Variants in SFMBT2 observed in about 807,000 individuals in gnomAD.
The protein encoded by SFMBT2 is scm-like with four MBT domains protein 2.
SFMBT2 carries 38 observed loss-of-function variants against 110.1 expected under a neutral mutation model. That is an observed-to-expected ratio of 0.35 (90% CI 0.27 to 0.45). The LOEUF (loss-of-function observed/expected upper bound fraction) is 0.45, where lower values mean the gene tolerates loss of function less well. Among genes scored for constraint, SFMBT2 ranks in the 20% least tolerant of loss-of-function variants. The pLI, the probability that SFMBT2 is intolerant of heterozygous loss-of-function variation, is 1.00. For missense variants in SFMBT2, 1,011 were observed against 1,094.9 expected, an observed-to-expected ratio of 0.92 and a Z score of 1.08; for synonymous variants, 425 against 425.4, an observed-to-expected ratio of 1.00 and a Z score of 0.01.
chr10:7,323,324 G>A (rs926240344), intron 4 of SFMBT2, among the ~76,000 whole-genome samples: 1 of 151,702 alleles, frequency 6.6e-6, no homozygotes, highest in Admixed American at 6.6e-5. Context: ...GGTGGCAGGT[G>A]CCTATAGTCC....
intron 14 of SFMBT2, 99 bp from the exon 15 acceptor site, chr10:7,197,786 C>T (rs1838824780): frequency 6.8e-6 from 10 of 1,468,572 alleles, no homozygotes; most frequent in Non-Finnish European, 9.1e-6. Flanking sequence ...GGGAAAAGGA[C>T]CACACAGAGC....
Position 7,399,201 on chromosome 10 carries a change from G to A in SFMBT2, c.-52+11660C>T, listed in dbSNP as rs184889049. Among the ~76,000 whole-genome samples the A allele has an allele frequency of 4.6e-5, 7 of 152,256 alleles. No homozygotes were observed. In the East Asian group the frequency reaches 1.3e-3, roughly 29 times the overall value. On this transcript the variant is annotated intron_variant, in intron 1 of 20. Coordinates refer to ENST00000397167, the MANE Select transcript of SFMBT2 (RefSeq NM_001387889.1). ...GAGATTCCTACAACTGGAGTGCATAGATATCTCCTATCCACCAAGTTTTTT... is the reference window on the plus strand; with the variant it reads ...GAGATTCCTACAACTGGAGTGCATAAATATCTCCTATCCACCAAGTTTTTT...
intron 4 of SFMBT2, among the ~76,000 whole-genome samples, chr10:7,292,610 G>A (rs1842292297): frequency 6.6e-6 from 1 of 152,156 alleles, no homozygotes; most frequent in Admixed American, 6.5e-5. Flanking sequence ...CTTAGTACCT[G>A]TCATATAAAG....
chr10:7,210,606 C>A (rs1283269538), intron 11 of SFMBT2, among the ~76,000 whole-genome samples: 1 of 152,224 alleles, frequency 6.6e-6, no homozygotes, highest in Non-Finnish European at 1.5e-5. Flanking sequence ...AGTTAAAGGG[C>A]ATGGCAAATG....
chr10:7,339,103 G>A (rs1323015476), intron 4 of SFMBT2, among the ~76,000 whole-genome samples: 5 of 152,160 alleles, frequency 3.3e-5, no homozygotes, highest in Admixed American at 2.6e-4. Context: ...AGCCAGGCAT[G>A]ATGACAGGTA....
intron 12 of SFMBT2, chr10:7,205,175 C>T (rs72773857): frequency 0.018 from 3,586 of 198,762 alleles, 46 homozygotes; most frequent in Non-Finnish European, 0.027. Flanking sequence ...GTTGACCTCC[C>T]GGGCTCAGGC....
chr10:7,195,591 G>A (rs1164399342), intron 15 of SFMBT2, among the ~76,000 whole-genome samples: 1 of 152,160 alleles, frequency 6.6e-6, no homozygotes, highest in Non-Finnish European at 1.5e-5. Context: ...GGCCCTTTCT[G>A]GGTCCATCCC....
chr10:7,409,394 T>A (rs1331720987), intron 1 of SFMBT2: 1 of 117,924 alleles, frequency 8.5e-6, no homozygotes, highest in East Asian at 3.5e-4. Flanking sequence ...TCTGCCCTCA[T>A]GTACTTTACA....
At chr10:7,261,685 A>G (rs1369928773) in intron 7 of SFMBT2, among the ~76,000 whole-genome samples, 1 of 152,234 alleles carries the variant, frequency 6.6e-6, no homozygotes, top group African/African-American at 2.4e-5. Flanking sequence ...GGAGCTTTAA[A>G]GCAGGTTTCC....
chr10:7,193,850 G>C (rs1299715910), intron 15 of SFMBT2, among the ~76,000 whole-genome samples: 1 of 152,204 alleles, frequency 6.6e-6, no homozygotes, highest in Non-Finnish European at 1.5e-5. Context: ...GACCCTTTTG[G>C]TCATAGGAGG....
At position 7,171,285 on chromosome 10, in the gene SFMBT2, C is replaced by A. The variant is rs943119473; in HGVS notation, c.2416-229G>T. On this transcript the variant is annotated intron_variant, in intron 19 of 20. Coordinates refer to ENST00000397167, the MANE Select transcript of SFMBT2 (RefSeq NM_001387889.1). This position sits in a 1 kb window ranked among gnomAD's most constrained non-coding sequence, Gnocchi z 4.9. ...GTGCCTTCAGATGGAAGAAGGCAGG[C>A]ACAGTGACAGTCGCTCTTGCATCCC... 1.2e-5 allele frequency: 10 copies of A among 802,238 alleles called. No homozygotes were observed. The highest frequency in any genetic ancestry group is 1.5e-5 in the Non-Finnish European group (10 of 662,870). The allele number at this position is 802,238 out of a possible 1,614,324, so 49.7% of individuals were successfully genotyped here.
intron 8 of SFMBT2, chr10:7,246,069 G>T: frequency 1.4e-6 from 1 of 715,962 alleles, no homozygotes; most frequent in Non-Finnish European, 1.7e-6. Flanking sequence ...CTGGAGAGGT[G>T]CCTACCTAGG....
intron 2 of SFMBT2, among the ~76,000 whole-genome samples, chr10:7,372,897 GC>G (rs2132062282): frequency 6.6e-6 from 1 of 152,316 alleles, no homozygotes; most frequent in Admixed American, 6.5e-5. Context: ...CCCCCTGCCT[GC>G]CCTAGCCTGT....
chr10:7,406,680 C>T (rs1360078279), intron 1 of SFMBT2, among the ~76,000 whole-genome samples: 2 of 152,152 alleles, frequency 1.3e-5, no homozygotes, highest in African/African-American at 4.8e-5. Context: ...ATAATGTCTG[C>T]AAGAACGCAG....
chr10:7,407,879 G>T (rs538171531), intron 1 of SFMBT2, among the ~76,000 whole-genome samples: 1 of 152,208 alleles, frequency 6.6e-6, no homozygotes, highest in South Asian at 2.1e-4. Context: ...GGCTTTTCGC[G>T]CATCCAGGTC....
At chr10:7,287,067 T>C (rs1328059779) in intron 4 of SFMBT2, among the ~76,000 whole-genome samples, 2 of 150,262 alleles carry the variant, frequency 1.3e-5, no homozygotes, top group African/African-American at 4.9e-5. Flanking sequence ...AAGGAATGTA[T>C]TTGAGGCATC....
At chr10:7,220,261 C>T in intron 11 of SFMBT2, 150 bp downstream of exon 11, 1 of 609,330 alleles carries the variant, frequency 1.6e-6, no homozygotes, top group Non-Finnish European at 2.8e-6. Flanking sequence ...TGATTAGTTT[C>T]ACTGATTTAA....
chr10:7,229,078 T>A (rs1272458014), intron 9 of SFMBT2, among the ~76,000 whole-genome samples: 1 of 152,130 alleles, frequency 6.6e-6, no homozygotes, highest in Non-Finnish European at 1.5e-5. Flanking sequence ...AGTGTGTAAA[T>A]GCCCCTAGTA....
intron 4 of SFMBT2, among the ~76,000 whole-genome samples, chr10:7,319,509 G>C (rs990152755): frequency 6.6e-6 from 1 of 152,142 alleles, no homozygotes; most frequent in Non-Finnish European, 1.5e-5. Context: ...ACTTATTTCC[G>C]GATGTCTTAA....
Sources: allele counts gnomAD v4.1 joint callset (sites outside exome capture counted in the v4.1 genomes callset), GRCh38; gene constraint gnomAD v4.1.1; non-coding constraint Gnocchi (gnomAD v3.1); transcripts MANE v1.5; gene names NCBI Gene and HGNC (gene_info 2026-07-23, HGNC 2026-07-21).